The following FCHSD2 variants were observed in gnomAD, a reference collection of about 807,000 sequenced individuals.
FCHSD2 encodes FCH and double SH3 domains 2.
A neutral mutation model predicts 108.1 loss-of-function variants in FCHSD2; 38 were observed. The ratio of observed to expected loss-of-function variants is 0.35; its 90% CI spans 0.27 to 0.46. The LOEUF (loss-of-function observed/expected upper bound fraction) is 0.46. Among genes scored for constraint, FCHSD2 ranks in the 20% least tolerant of loss-of-function variants. The pLI, the probability that FCHSD2 is intolerant of heterozygous loss-of-function variation, is 1.00. For missense variants in FCHSD2, 751 were observed against 897.8 expected, an observed-to-expected ratio of 0.84 and a Z score of 2.09; for synonymous variants, 279 against 314.7, an observed-to-expected ratio of 0.89 and a Z score of 1.20.
intron 4 of FCHSD2, among the ~76,000 whole-genome samples, chr11:73,008,510 C>T (rs1857791367): frequency 6.6e-6 from 1 of 152,108 alleles, no homozygotes; most frequent in African/African-American, 2.4e-5. Flanking sequence ...AAAAAGACTG[C>T]TTTCAGTCCA....
chr11:73,080,297 A>T (rs1486081757), intron 3 of FCHSD2, among the ~76,000 whole-genome samples: 1 of 125,118 alleles, frequency 8.0e-6, no homozygotes, highest in African/African-American at 3.4e-5. Flanking sequence ...ACCCTGTCTC[A>T]AAAAAAAAAA....
intron 13 of FCHSD2, among the ~76,000 whole-genome samples, chr11:72,853,490 C>CT (rs1443883937): frequency 6.6e-6 from 1 of 152,150 alleles, no homozygotes; most frequent in African/African-American, 2.4e-5. Context: ...TCTTGACTCA[C>CT]TGCAACCTCC....
chr11:72,962,941 C>T (rs552728610), intron 8 of FCHSD2, among the ~76,000 whole-genome samples: 9 of 152,062 alleles, frequency 5.9e-5, no homozygotes, highest in Non-Finnish European at 1.2e-4. Flanking sequence ...CACACTGGAG[C>T]CAGACTGGTT....
chr11:72,939,607 TCC>T lies in FCHSD2; in HGVS notation c.706-17659_706-17658del, dbSNP rs1209315923. 2.1e-5 allele frequency among the ~76,000 whole-genome samples: 3 copies of T among 140,864 alleles called. No homozygotes were observed. The East Asian group carries it at 6.1e-4, about 29-fold the overall frequency. The allele number at this position is 140,864 out of a possible 152,430, so 92.4% of individuals were successfully genotyped here. A position where few individuals can be genotyped will look rare whatever the true frequency, so the allele number is the denominator to read the frequency against. ...GAAGACGGTTGATGGCTCTTTCTTT[TCC>T]TTTTTTTTTTTTTTTTTTTTTTTTT... On this transcript the variant is annotated intron_variant, in intron 8 of 19. Coordinates refer to ENST00000409418, the MANE Select transcript of FCHSD2 (RefSeq NM_014824.3).
At chr11:72,951,506 T>C (rs1856619836) in intron 8 of FCHSD2, among the ~76,000 whole-genome samples, 1 of 152,246 alleles carries the variant, frequency 6.6e-6, no homozygotes, top group Non-Finnish European at 1.5e-5. Flanking sequence ...AATAAATGTT[T>C]GCTCTGGTGT....
rs553579402 is a variant in FCHSD2, at chr11:73,091,599, T to C, written c.120-7859A>G. Among the ~76,000 whole-genome samples the C allele has an allele frequency of 1.1e-3, 175 of 152,226 alleles. 1 individual carries two copies. Among genetic ancestry groups the C allele is most frequent in the South Asian group, 4.4e-3 (21 of 4,818 alleles). ...CAAATATCACTTCCAGACAGAATTA[T>C]AGAATGTCAAACCACATTCACATGT... On this transcript the variant is annotated intron_variant, in intron 2 of 19. Transcript: ENST00000409418.
intron 8 of FCHSD2, among the ~76,000 whole-genome samples, chr11:72,962,031 T>C (rs1055689208): frequency 5.3e-5 from 8 of 152,234 alleles, no homozygotes; most frequent in African/African-American, 1.7e-4. Context: ...AAGAATTCCA[T>C]TGAAATATTC....
intron 12 of FCHSD2, among the ~76,000 whole-genome samples, chr11:72,870,050 T>C (rs565997531): frequency 2.1e-3 from 319 of 152,272 alleles, no homozygotes; most frequent in Non-Finnish European, 1.6e-3. Context: ...GTTCCTCTGA[T>C]CCATCATGTG....
chr11:73,053,798 A>G (rs1858958290), intron 3 of FCHSD2, among the ~76,000 whole-genome samples: 2 of 152,230 alleles, frequency 1.3e-5, no homozygotes, highest in South Asian at 2.1e-4. Flanking sequence ...GATTCTCTAT[A>G]TTAATAGAAG....
chr11:72,852,095 C>G (rs764492718), intron 13 of FCHSD2, among the ~76,000 whole-genome samples: 1 of 151,848 alleles, frequency 6.6e-6, no homozygotes, highest in Non-Finnish European at 1.5e-5. Context: ...CACCACGTTG[C>G]TTAGGCTGGT....
chr11:73,035,694 GTTTTTATTTATTTATTTATT>G (rs1317973415), intron 3 of FCHSD2, among the ~76,000 whole-genome samples: 16 of 126,310 alleles, frequency 1.3e-4, no homozygotes, highest in South Asian at 2.4e-4. Context: ...GAAATGTTCA[GTTTTTATTTATTTATTTATT>G]TATTTATTTA....
At chr11:72,980,303 C>G (rs1857188453) in intron 8 of FCHSD2, among the ~76,000 whole-genome samples, 1 of 152,160 alleles carries the variant, frequency 6.6e-6, no homozygotes, top group Non-Finnish European at 1.5e-5. Context: ...AACTGCTGCA[C>G]TGGTTTCTCT....
chr11:72,927,874 G>A (rs1856108795), intron 8 of FCHSD2, among the ~76,000 whole-genome samples: 1 of 152,192 alleles, frequency 6.6e-6, no homozygotes, highest in African/African-American at 2.4e-5. Flanking sequence ...GGGGAATCAC[G>A]CTCTACTTTA....
At chr11:73,116,739 T>C (rs893953989) in intron 2 of FCHSD2, among the ~76,000 whole-genome samples, 3 of 152,134 alleles carry the variant, frequency 2.0e-5, no homozygotes, top group African/African-American at 7.2e-5. Context: ...GATCTCGCCA[T>C]GTTGCCCAGG....
Position 73,040,022 on chromosome 11 carries a change from G to A in FCHSD2, c.166-24137C>T, listed in dbSNP as rs76472077. Among the ~76,000 whole-genome samples, 1,035 of 152,290 alleles carry A rather than the reference G, an allele frequency of 6.8e-3. 5 individuals carry two copies. Among genetic ancestry groups the A allele is most frequent in the South Asian group, 0.014 (68 of 4,826 alleles). ...AAGAAAATTTTTCTCCCAGCAAAATGGAGGACTTACGTTGAACACAATGTT... is the reference window on the plus strand; with the variant it reads ...AAGAAAATTTTTCTCCCAGCAAAATAGAGGACTTACGTTGAACACAATGTT... On this transcript the variant is annotated intron_variant, in intron 3 of 19. Coordinates refer to ENST00000409418, the MANE Select transcript of FCHSD2 (RefSeq NM_014824.3).
intron 8 of FCHSD2, among the ~76,000 whole-genome samples, chr11:72,983,091 G>C (rs976265192): frequency 6.6e-6 from 1 of 151,858 alleles, no homozygotes; most frequent in Non-Finnish European, 1.5e-5. Flanking sequence ...TCAGGAGATC[G>C]AGACCATCCC....
chr11:72,993,573 G>C (rs1476744182), intron 5 of FCHSD2, among the ~76,000 whole-genome samples: 2 of 152,172 alleles, frequency 1.3e-5, no homozygotes, highest in African/African-American at 2.4e-5. Context: ...GGAATACTAT[G>C]CAGCCATAAA....
At chr11:72,981,763 C>A (rs1441766794) in intron 8 of FCHSD2, among the ~76,000 whole-genome samples, 2 of 152,150 alleles carry the variant, frequency 1.3e-5, no homozygotes, top group Non-Finnish European at 2.9e-5. Flanking sequence ...ATCTCTTAAG[C>A]CCAGGAGTTA....
Position 73,010,567 on chromosome 11 carries a change from T to A in FCHSD2, c.242+5242A>T, listed in dbSNP as rs557846856. Among the ~76,000 whole-genome samples the A allele has an allele frequency of 6.6e-5, 10 of 152,374 alleles. No individual in the cohort carries two copies. The Middle Eastern group carries it at 0.01, about 155-fold the overall frequency. On this transcript the variant is annotated intron_variant, in intron 4 of 19. Transcript: ENST00000409418. ...TAGGGAATGTTTTCCTGAAGATAGA[T>A]CTATGGTGTTGTTTGGTAGGGCCCT...
Sources: gnomAD v4.1 joint callset for allele counts (sites outside exome capture counted in the v4.1 genomes callset) on GRCh38, gnomAD v4.1.1 for gene constraint, MANE v1.5 for transcripts, NCBI Gene and HGNC (gene_info 2026-07-23, HGNC 2026-07-21) for gene names.